The following ZC3H3 variants were observed in gnomAD, a reference collection of about 807,000 sequenced individuals.
The protein encoded by ZC3H3 is zinc finger CCCH-type containing 3.
ZC3H3 carries 36 observed loss-of-function variants against 77.3 expected under a neutral mutation model. That is an observed-to-expected ratio of 0.47 (90% CI 0.36 to 0.61). The LOEUF is 0.61. Ranked by LOEUF, ZC3H3 falls within the 20% of genes least tolerant of loss-of-function variation. ZC3H3 has a pLI of 0.00. For missense variants in ZC3H3, 1,331 were observed against 1,312.2 expected (o/e 1.01, Z -0.22); for synonymous variants, 626 against 555.2 (o/e 1.13, Z -1.79).
intron 5 of ZC3H3, among the ~76,000 whole-genome samples, chr8:143,469,895 T>A (rs1368011231): frequency 6.6e-6 from 1 of 152,168 alleles, no homozygotes; most frequent in African/African-American, 2.4e-5. Context: ...GACACTGCAG[T>A]TAAGAGGCAG....
chr8:143,442,279 A>G (rs1198478065), intron 9 of ZC3H3, among the ~76,000 whole-genome samples: 1 of 151,908 alleles, frequency 6.6e-6, no homozygotes, highest in Non-Finnish European at 1.5e-5. Flanking sequence ...TTCCTGCGAC[A>G]CGGAGTCTGA....
intron 4 of ZC3H3, among the ~76,000 whole-genome samples, chr8:143,488,713 T>C (rs896092094): frequency 5.9e-5 from 9 of 152,188 alleles, no homozygotes; most frequent in African/African-American, 2.2e-4. Flanking sequence ...CATCAATACA[T>C]GAAATCTCAA....
chr8:143,444,489 T>C (rs1819818942), intron 9 of ZC3H3, among the ~76,000 whole-genome samples: 1 of 152,200 alleles, frequency 6.6e-6, no homozygotes, highest in African/African-American at 2.4e-5. Context: ...AACGAGAGTC[T>C]TGCAATGTGT....
chr8:143,518,306 C>T (rs1410028650), intron 3 of ZC3H3, among the ~76,000 whole-genome samples: 1 of 152,236 alleles, frequency 6.6e-6, no homozygotes, highest in Non-Finnish European at 1.5e-5. Flanking sequence ...TGGCTGGATC[C>T]CAAGGTCAGT....
chr8:143,515,235 T>A (rs143850212), intron 3 of ZC3H3, among the ~76,000 whole-genome samples: 24 of 152,366 alleles, frequency 1.6e-4, no homozygotes, highest in African/African-American at 5.3e-4. Context: ...TTTTCTCATC[T>A]AGACACCGAG....
chr8:143,454,298 C>T (rs190748091), intron 9 of ZC3H3, among the ~76,000 whole-genome samples: 37 of 150,882 alleles, frequency 2.5e-4, no homozygotes, highest in African/African-American at 9.0e-4. Flanking sequence ...ACCATGTTGA[C>T]GAGGCTGGTC....
In ZC3H3 at chr8:143,468,486, C is replaced by T; in HGVS notation, c.2001G>A (p.Glu667=). 1 of 1,608,526 alleles carries T rather than the reference C, an allele frequency of 6.2e-7. No individual in the cohort carries two copies. Among genetic ancestry groups the T allele is most frequent in the Admixed American group, 1.7e-5 (1 of 59,564 alleles). ...AIIRQARQRR[E]KRKEYCMYYN... ...AGTACATGCAGTACTCCTTCCTCTTCTCCCTGCGCTGCCGCGCCTGCCGGA... is the reference window on the plus strand; with the variant it reads ...AGTACATGCAGTACTCCTTCCTCTTTTCCCTGCGCTGCCGCGCCTGCCGGA... Residue 667 remains glutamate, a synonymous_variant, in exon 7 of 12, where the codon GAG becomes GAA. Transcript: ENST00000262577.
chr8:143,468,437 G>A lies in ZC3H3; in HGVS notation c.2050C>T (p.Arg684Cys), dbSNP rs367545625. The A allele has an allele frequency of 1.4e-5, 22 of 1,610,876 alleles. No individual in the cohort carries two copies. The highest frequency in any genetic ancestry group is 4.0e-5 in the African/African-American group (3 of 74,874). ...TGGATGTAGGGGCAGCGCTCGCCAC[G>A]GTTGCACCTGCCGAAGCGGTTGTAG... Reference protein sequence around the residue: ...MYYNRFGRCNRGERCPYIHDP... With the variant: ...MYYNRFGRCNCGERCPYIHDP... The change falls in exon 7 of 12, where the codon CGT (arginine) becomes TGT (cysteine). Residue 684 changes from arginine to cysteine, a missense_variant. Transcript: ENST00000262577.
In ZC3H3 at chr8:143,437,760, G is replaced by A. The variant is rs1563828260; in HGVS notation, c.*296C>T. On this transcript the variant is annotated 3_prime_UTR_variant, in exon 12 of 12. Coordinates refer to ENST00000262577, the MANE Select transcript of ZC3H3 (RefSeq NM_015117.3). ...AAAACCTGGGTGGGGAGGGCTGGGG[G>A]CTGCAGGGCCACTGTTGCCAATGGC... 3.1e-5 allele frequency: 15 copies of A among 481,764 alleles called. No individual in the cohort carries two copies. The highest frequency in any genetic ancestry group is 5.3e-5 in the Non-Finnish European group (14 of 263,072). The allele number at this position is 481,764 out of a possible 1,614,324, so 29.8% of individuals were successfully genotyped here. A position where few individuals can be genotyped will look rare whatever the true frequency, so the allele number is the denominator to read the frequency against.
At position 143,516,569 on chromosome 8, in the gene ZC3H3, A is replaced by G. The variant is rs576969248; in HGVS notation, c.1562-8670T>C. On this transcript the variant is annotated intron_variant, in intron 3 of 11. Transcript: ENST00000262577. ...CACACACACACACACACACACACAT[A>G]CACACACACACTCACTCTCATGCAC... 1.0e-4 allele frequency among the ~76,000 whole-genome samples: 9 copies of G among 87,108 alleles called. No individual in the cohort carries two copies. In the East Asian group the frequency reaches 2.2e-3, roughly 21 times the overall value. 57.1% of individuals were successfully genotyped at this position (87,108 alleles called of 152,430 possible). A position where few individuals can be genotyped will look rare whatever the true frequency, so the allele number is the denominator to read the frequency against.
intron 4 of ZC3H3, among the ~76,000 whole-genome samples, chr8:143,491,715 G>C (rs568552006): frequency 3.3e-5 from 5 of 152,254 alleles, no homozygotes; most frequent in Non-Finnish European, 7.3e-5. Context: ...AGCAGGGATG[G>C]GGTGGACTGA....
intron 3 of ZC3H3, 72 bp from the exon 4 acceptor site, chr8:143,507,971 A>C: frequency 6.9e-7 from 1 of 1,455,598 alleles, no homozygotes; most frequent in Non-Finnish European, 9.1e-7. Context: ...GAGGCCACCC[A>C]CAGTGCCAGC....
At chr8:143,541,323 G>A (rs1410309682) in intron 1 of ZC3H3, 53 bp downstream of exon 1, 8 of 1,600,998 alleles carry the variant, frequency 5.0e-6, no homozygotes, top group Non-Finnish European at 6.8e-6. Flanking sequence ...GGGACCCGCC[G>A]CGAGGTGAGG....
intron 1 of ZC3H3, among the ~76,000 whole-genome samples, chr8:143,539,731 CT>C (rs1405437669): frequency 6.6e-6 from 1 of 152,198 alleles, no homozygotes; most frequent in East Asian, 1.9e-4. Context: ...TCTGGCTTGC[CT>C]ACAGATGGAA....
At chr8:143,535,361 G>C (rs2130511858) in intron 3 of ZC3H3, among the ~76,000 whole-genome samples, 1 of 152,224 alleles carries the variant, frequency 6.6e-6, no homozygotes, top group East Asian at 1.9e-4. Context: ...CTGAGCACCG[G>C]TTCCCAGTCG....
At chr8:143,479,526 G>A (rs1030464237) in intron 4 of ZC3H3, among the ~76,000 whole-genome samples, 7 of 152,322 alleles carry the variant, frequency 4.6e-5, no homozygotes, top group South Asian at 2.1e-4. Flanking sequence ...TTTCATTAAC[G>A]CTGGAAAATA....
chr8:143,517,340 C>T (rs1822092013), intron 3 of ZC3H3, among the ~76,000 whole-genome samples: 1 of 152,176 alleles, frequency 6.6e-6, no homozygotes, highest in Non-Finnish European at 1.5e-5. Context: ...CTGGAGAAGA[C>T]AGTGCAGCAG....
At chr8:143,517,542 G>A (rs1330297089) in intron 3 of ZC3H3, among the ~76,000 whole-genome samples, 4 of 152,116 alleles carry the variant, frequency 2.6e-5, no homozygotes, top group South Asian at 2.1e-4. Flanking sequence ...GTGGCCAAGC[G>A]TGCACCCAGC....
chr8:143,506,876 C>T (rs1160033680), intron 4 of ZC3H3, among the ~76,000 whole-genome samples: 1 of 152,238 alleles, frequency 6.6e-6, no homozygotes, highest in Non-Finnish European at 1.5e-5. Flanking sequence ...AACCACCAGG[C>T]AGCTACGGTC....
Sources: allele counts gnomAD v4.1 joint callset (sites outside exome capture counted in the v4.1 genomes callset), GRCh38; gene constraint gnomAD v4.1.1; transcripts MANE v1.5; gene names NCBI Gene and HGNC (gene_info 2026-07-23, HGNC 2026-07-21).